KLHL29: variants seen among roughly 807,000 people sequenced by gnomAD.
KLHL29 encodes kelch-like protein 29.
KLHL29 carries 21 observed loss-of-function variants against 80.4 expected under a neutral mutation model. The observed-to-expected ratio is 0.26, with a 90% confidence interval of 0.19 to 0.38. The LOEUF is 0.38. Among genes scored for constraint, KLHL29 ranks in the 10% least tolerant of loss-of-function variants. The pLI, the probability that KLHL29 is intolerant of heterozygous loss-of-function variation, is 1.00. For missense variants in KLHL29, 867 were observed against 1,223.9 expected, an observed-to-expected ratio of 0.71 and a Z score of 4.35; for synonymous variants, 511 against 526.8, an observed-to-expected ratio of 0.97 and a Z score of 0.41.
chr2:23,648,160 A>G (rs1351029935), intron 5 of KLHL29, among the ~76,000 whole-genome samples: 3 of 151,922 alleles, frequency 2.0e-5, no homozygotes, highest in Non-Finnish European at 4.4e-5. Context: ...ATCTGTTTCA[A>G]ACTTCCTTCT....
intron 1 of KLHL29, among the ~76,000 whole-genome samples, chr2:23,407,374 G>A (rs1377166662): frequency 6.6e-6 from 1 of 151,816 alleles, no homozygotes; most frequent in African/African-American, 2.4e-5. Flanking sequence ...CGTGGTCTCG[G>A]TTGCGTTTCC....
chr2:23,419,648 C>T (rs371239787), intron 1 of KLHL29, among the ~76,000 whole-genome samples: 17 of 152,106 alleles, frequency 1.1e-4, no homozygotes, highest in South Asian at 8.3e-4. Flanking sequence ...TGAAAAATGT[C>T]GAGCGGAATG....
At chr2:23,679,548 G>A (rs1247660539) in intron 5 of KLHL29, among the ~76,000 whole-genome samples, 1 of 149,368 alleles carries the variant, frequency 6.7e-6, no homozygotes, top group African/African-American at 2.4e-5. Flanking sequence ...TCAAAGGGTA[G>A]GGAAATCATC....
At chr2:23,578,901 G>A (rs895452904) in intron 3 of KLHL29, among the ~76,000 whole-genome samples, 10 of 152,220 alleles carry the variant, frequency 6.6e-5, no homozygotes, top group African/African-American at 2.2e-4. Flanking sequence ...GTATTGGCAT[G>A]CATGTAGCAC....
chr2:23,486,180 C>G (rs1664928903), intron 2 of KLHL29, among the ~76,000 whole-genome samples: 1 of 152,178 alleles, frequency 6.6e-6, no homozygotes, highest in South Asian at 2.1e-4. Context: ...TAGGCCACAG[C>G]AGAGGGTCCT....
intron 1 of KLHL29, among the ~76,000 whole-genome samples, chr2:23,387,587 A>C (rs1160045681): frequency 6.6e-6 from 1 of 151,702 alleles, no homozygotes; most frequent in Non-Finnish European, 1.5e-5. Context: ...TTTGTGAGGG[A>C]GGAGAATGAA....
chr2:23,577,458 G>T (rs1478765022), intron 3 of KLHL29, among the ~76,000 whole-genome samples: 1 of 149,962 alleles, frequency 6.7e-6, no homozygotes, highest in Non-Finnish European at 1.5e-5. Context: ...AAATAAAAGG[G>T]GGGTGGGGCC....
intron 2 of KLHL29, among the ~76,000 whole-genome samples, chr2:23,519,072 A>G (rs904441086): frequency 1.1e-4 from 16 of 152,178 alleles, no homozygotes; most frequent in African/African-American, 3.6e-4. Flanking sequence ...AGTCCTGCAC[A>G]GACCATGCCC....
rs2712098 is a variant in KLHL29, at chr2:23,707,844, A to G, written c.*1180A>G. On this transcript the variant is annotated 3_prime_UTR_variant, in exon 14 of 14. Transcript: ENST00000486442. ...ATGGCAGCAAGGCCTGAGGGCATGA[A>G]CAGAACCACTCTTCTTGTCACATAC... 0.84 allele frequency: 127,531 copies of G among 152,386 alleles called. 55,457 individuals are homozygous for G. The highest frequency in any genetic ancestry group is 1 in the East Asian group (5,188 of 5,188). The allele number at this position is 152,386 out of a possible 1,614,324, so 9.4% of individuals were successfully genotyped here.
chr2:23,428,602 A>AC (rs375128334), intron 1 of KLHL29, among the ~76,000 whole-genome samples: 3 of 151,552 alleles, frequency 2.0e-5, no homozygotes, highest in African/African-American at 7.3e-5. Flanking sequence ...TTACCATCCT[A>AC]CCCCCCGCCA....
chr2:23,646,226 T>A (rs1669926663), intron 5 of KLHL29, among the ~76,000 whole-genome samples: 1 of 152,132 alleles, frequency 6.6e-6, no homozygotes, highest in African/African-American at 2.4e-5. Context: ...GTGGCCAAGC[T>A]CAGGCCTCGG....
intron 1 of KLHL29, among the ~76,000 whole-genome samples, chr2:23,425,060 G>A (rs1324061148): frequency 3.3e-5 from 5 of 152,070 alleles, no homozygotes; most frequent in South Asian, 4.2e-4. Flanking sequence ...TGTGTATAAC[G>A]TTAAATGGGA....
intron 1 of KLHL29, among the ~76,000 whole-genome samples, chr2:23,467,636 G>A (rs1271151931): frequency 6.6e-6 from 1 of 152,160 alleles, no homozygotes; most frequent in Non-Finnish European, 1.5e-5. Context: ...GGGGTTTTTG[G>A]CCACTGGCTC....
At chr2:23,386,483 G>A (rs1413456363) in intron 1 of KLHL29, among the ~76,000 whole-genome samples, 2 of 152,226 alleles carry the variant, frequency 1.3e-5, no homozygotes, top group Non-Finnish European at 2.9e-5. Context: ...GTGTTGTGGG[G>A]GGACGCGGAA....
intron 2 of KLHL29, among the ~76,000 whole-genome samples, chr2:23,502,305 A>T (rs1187475767): frequency 6.6e-6 from 1 of 152,240 alleles, no homozygotes; most frequent in African/African-American, 2.4e-5. Context: ...AGGCCTACTC[A>T]TCGGTCTGCA....
chr2:23,487,401 C>A (rs767937013), intron 2 of KLHL29, among the ~76,000 whole-genome samples: 2 of 152,158 alleles, frequency 1.3e-5, no homozygotes, highest in African/African-American at 2.4e-5. Context: ...AGGCCTATTG[C>A]ATTTTTCCTG....
chr2:23,694,967 G>T (rs771741604), intron 8 of KLHL29, among the ~76,000 whole-genome samples: 1 of 152,286 alleles, frequency 6.6e-6, no homozygotes, highest in Non-Finnish European at 1.5e-5. Flanking sequence ...AGTGATGAGC[G>T]TCATGCCTGG....
intron 5 of KLHL29, chr2:23,644,281 A>AAG (rs2149159915): frequency 6.6e-6 from 1 of 152,114 alleles, no homozygotes; most frequent in East Asian, 1.9e-4. Context: ...TTAAAAAAAA[A>AAG]AAAAGAAAGA....
intron 3 of KLHL29, chr2:23,618,037 G>A (rs1669067219): frequency 6.6e-6 from 1 of 152,170 alleles, no homozygotes; most frequent in African/African-American, 2.4e-5. Flanking sequence ...ATTTGCTGGG[G>A]GGCGGAGAAG....
Sources: allele counts gnomAD v4.1 joint callset (sites outside exome capture counted in the v4.1 genomes callset), GRCh38; gene constraint gnomAD v4.1.1; transcripts MANE v1.5; gene names NCBI Gene and HGNC (gene_info 2026-07-23, HGNC 2026-07-21).